The following MAEL variants were observed in gnomAD, a reference collection of about 807,000 sequenced individuals.
The protein encoded by MAEL is maelstrom spermatogenic transposon silencer.
MAEL carries 46 observed loss-of-function variants against 62.0 expected under a neutral mutation model. The observed-to-expected ratio is 0.74, with a 90% CI of 0.59 to 0.95. The LOEUF is 0.95. MAEL is among the 40% of genes least tolerant of loss of function. MAEL has a pLI of 0.00. For missense variants in MAEL, 497 were observed against 526.8 expected, an observed-to-expected ratio of 0.94 and a Z score of 0.55; for synonymous variants, 172 against 175.5, an observed-to-expected ratio of 0.98 and a Z score of 0.16.
chr1:166,993,073 A>G (rs927174003), intron 4 of MAEL, among the ~76,000 whole-genome samples: 34 of 152,292 alleles, frequency 2.2e-4, no homozygotes, highest in Admixed American at 6.5e-4. Flanking sequence ...TGGATAGACT[A>G]TCTGAACAAT....
exon 1 of MAEL, chr1:166,975,618 G>C (rs576264751): frequency 1.3e-5 from 2 of 152,278 alleles, no homozygotes; most frequent in African/African-American, 2.4e-5. Flanking sequence ...GCCCGCTGCC[G>C]CGACTGCCAA....
chr1:166,992,633 G>T, intron 3 of MAEL, 53 bp from the exon 4 acceptor site: 2 of 1,327,790 alleles, frequency 1.5e-6, no homozygotes, highest in South Asian at 3.0e-5. Flanking sequence ...TTTTGTGGAA[G>T]AGGTAAATTT....
intron 5 of MAEL, among the ~76,000 whole-genome samples, chr1:167,001,280 G>A (rs1248231292): frequency 6.6e-6 from 1 of 152,156 alleles, no homozygotes. Flanking sequence ...GGAAGGAGGT[G>A]AGGGATAAAA....
At chr1:167,012,677 C>T (rs1665217886) in intron 8 of MAEL, among the ~76,000 whole-genome samples, 1 of 152,178 alleles carries the variant, frequency 6.6e-6, no homozygotes, top group Non-Finnish European at 1.5e-5. Flanking sequence ...AAGTAGACCA[C>T]TTTATAGAAT....
chr1:166,996,235 G>A (rs1231203907), intron 5 of MAEL, among the ~76,000 whole-genome samples: 1 of 152,228 alleles, frequency 6.6e-6, no homozygotes, highest in Non-Finnish European at 1.5e-5. Flanking sequence ...AAATTTACAT[G>A]TGGATGTGAA....
chr1:167,005,160 T>G, intron 7 of MAEL, 30 bp downstream of exon 7: 1 of 1,612,606 alleles, frequency 6.2e-7, no homozygotes, highest in Non-Finnish European at 8.5e-7. Context: ...GCTGCAGAAG[T>G]GCTTTATAGT....
intron 8 of MAEL, among the ~76,000 whole-genome samples, chr1:167,007,557 T>TTGTGTGTGTG (rs71073634): frequency 3.1e-5 from 4 of 128,410 alleles, no homozygotes; most frequent in Admixed American, 7.5e-5. Context: ...AAATATATGT[T>TTGTGTGTGTG]TGTGTGTGTG....
At chr1:166,981,069 A>G (rs1663745899) in intron 1 of MAEL, among the ~76,000 whole-genome samples, 1 of 152,216 alleles carries the variant, frequency 6.6e-6, no homozygotes, top group African/African-American at 2.4e-5. Flanking sequence ...AGAAGGCCAG[A>G]ACATGGAGCA....
intron 1 of MAEL, among the ~76,000 whole-genome samples, chr1:166,977,040 T>C (rs961430629): frequency 6.6e-6 from 1 of 152,166 alleles, no homozygotes; most frequent in Non-Finnish European, 1.5e-5. Context: ...CAGTGGAGAA[T>C]TGATTTTGTC....
upstream of MAEL, among the ~76,000 whole-genome samples, chr1:166,984,318 T>C (rs1397054509): frequency 2.0e-5 from 3 of 152,170 alleles, no homozygotes; most frequent in East Asian, 5.8e-4. Context: ...TTCTAACTGG[T>C]CTCACCATGC....
chr1:166,989,484 G>C lies in MAEL; in HGVS notation c.132G>C (p.Ala44=), dbSNP rs1296702154. The change falls in exon 1 of 12, where the codon GCG becomes GCC. Residue 44 remains alanine, a splice_region_variant and synonymous_variant. Transcript: ENST00000367872. ...TCCCTTACTGCTCCTCAGACTGGGC[G>C]GTAAGGCTGGAGCGGAGTGAGAGGG... is the stretch of plus-strand genomic sequence containing the variant. ...DAIPYCSSDW[A]LLREEEKEKY... 3 of 1,582,756 alleles carry C rather than the reference G, an allele frequency of 1.9e-6. 1 individual carries two copies. The highest frequency in any genetic ancestry group is 2.3e-5 in the South Asian group (2 of 86,584).
At chr1:166,994,204 T>A in intron 5 of MAEL, 135 bp downstream of exon 5, 1 of 710,186 alleles carries the variant, frequency 1.4e-6, no homozygotes, top group Non-Finnish European at 2.3e-6. Context: ...TGCATAGATG[T>A]GATAGATGGT....
rs371694841 is a variant in MAEL, at chr1:166,989,840, C to T, written c.225+11C>T. The T allele has an allele frequency of 6.2e-7, 1 of 1,603,130 alleles. No homozygotes were observed. Among genetic ancestry groups the T allele is most frequent in the South Asian group, 1.1e-5 (1 of 89,540 alleles). On this transcript the variant is annotated intron_variant, in intron 2 of 11. Transcript: ENST00000367872. Reference sequence around the variant, plus strand: ...CCCTCAGAGAAGCAGGTAAAGTTAACGAGAGAAGAGCCGCCATCTGCCTGG... The same window carrying T: ...CCCTCAGAGAAGCAGGTAAAGTTAATGAGAGAAGAGCCGCCATCTGCCTGG...
At chr1:166,994,793 C>T (rs1310684711) in intron 5 of MAEL, among the ~76,000 whole-genome samples, 1 of 151,216 alleles carries the variant, frequency 6.6e-6, no homozygotes, top group Non-Finnish European at 1.5e-5. Context: ...TCTCAGCCTC[C>T]GGAGTGGCTG....
rs191349675 is a variant in MAEL, at chr1:167,002,498, G to A, written c.524-1682G>A. 9.2e-5 allele frequency among the ~76,000 whole-genome samples: 14 copies of A among 152,230 alleles called. No homozygotes were observed. The South Asian group carries it at 1.9e-3, about 20-fold the overall frequency. On this transcript the variant is annotated intron_variant, in intron 5 of 11. Coordinates refer to ENST00000367872, the MANE Select transcript of MAEL (RefSeq NM_032858.3). The stretch of plus-strand genomic sequence containing the variant: ...TCTCTTCATATGTCTAGTTATTTTC[G>A]AGTGCTAAACAGTGTATATGAAATC...
At chr1:166,995,696 A>C (rs972236281) in intron 5 of MAEL, among the ~76,000 whole-genome samples, 1 of 152,158 alleles carries the variant, frequency 6.6e-6, no homozygotes, top group African/African-American at 2.4e-5. Context: ...AAATAAAAAA[A>C]AAATGGAAAC....
chr1:166,994,974 A>ATTTTTT (rs944951589), intron 5 of MAEL, among the ~76,000 whole-genome samples: 23 of 110,132 alleles, frequency 2.1e-4, no homozygotes, highest in Non-Finnish European at 2.8e-4. Context: ...CCACCCAGTA[A>ATTTTTT]TTTTTTTTTT....
chr1:167,011,488 C>T (rs1223527360), intron 8 of MAEL, among the ~76,000 whole-genome samples: 1 of 152,104 alleles, frequency 6.6e-6, no homozygotes, highest in Non-Finnish European at 1.5e-5. Flanking sequence ...TGTTTTTATA[C>T]ATTATTGTCC....
At chr1:166,995,553 A>G (rs372230003) in intron 5 of MAEL, among the ~76,000 whole-genome samples, 4 of 152,106 alleles carry the variant, frequency 2.6e-5, no homozygotes, top group Non-Finnish European at 5.9e-5. Context: ...GTTCCTTCTT[A>G]TATAGCTTTG....
Sources: allele counts gnomAD v4.1 joint callset (sites outside exome capture counted in the v4.1 genomes callset), GRCh38; gene constraint gnomAD v4.1.1; transcripts MANE v1.5; gene names NCBI Gene and HGNC (gene_info 2026-07-23, HGNC 2026-07-21).